The following CEP128 variants were observed in gnomAD, a reference collection of about 807,000 sequenced individuals.
CEP128 encodes centrosomal protein 128, also known as centrosomal protein 128kDa.
In CEP128, 132 loss-of-function variants were observed where a neutral mutation model predicts 156.7. That is an observed-to-expected ratio of 0.84 (90% confidence interval 0.73 to 0.97). The LOEUF is 0.97. Ranked by LOEUF, CEP128 falls within the 50% of genes least tolerant of loss-of-function variation. The pLI is 0.00. For missense variants in CEP128, 1,252 were observed against 1,281.9 expected, an observed-to-expected ratio of 0.98 and a Z score of 0.36; for synonymous variants, 469 against 448.9, an observed-to-expected ratio of 1.04 and a Z score of -0.57.
At chr14:80,726,398 A>G (rs184781766) in intron 19 of CEP128, among the ~76,000 whole-genome samples, 4 of 152,312 alleles carry the variant, frequency 2.6e-5, no homozygotes, top group Admixed American at 2.6e-4. Flanking sequence ...TGTAGAACCA[A>G]CTAGAGCTAC....
At chr14:80,723,398 C>T (rs1897898760) in intron 19 of CEP128, among the ~76,000 whole-genome samples, 1 of 152,174 alleles carries the variant, frequency 6.6e-6, no homozygotes, top group South Asian at 2.1e-4. Flanking sequence ...ATTCTAGAAT[C>T]GTATTCAGGC....
At chr14:80,486,607 G>A (rs957888818), downstream of CEP128, among the ~76,000 whole-genome samples, 2 of 152,118 alleles carry the variant, frequency 1.3e-5, no homozygotes, top group Non-Finnish European at 2.9e-5. Flanking sequence ...AAATGTTAAG[G>A]GCAGCCAGAG....
At chr14:80,531,957 G>A (rs1261856979) in intron 21 of CEP128, among the ~76,000 whole-genome samples, 2 of 152,018 alleles carry the variant, frequency 1.3e-5, no homozygotes, top group East Asian at 3.9e-4. Flanking sequence ...TGCTCCAGAA[G>A]GCATAACTAC....
chr14:80,693,345 T>C (rs900258547), intron 19 of CEP128, among the ~76,000 whole-genome samples: 1 of 152,170 alleles, frequency 6.6e-6, no homozygotes, highest in Non-Finnish European at 1.5e-5. Context: ...TACATGTTAT[T>C]TGTGCAGTAG....
intron 19 of CEP128, among the ~76,000 whole-genome samples, chr14:80,643,603 G>A (rs545734353): frequency 1.3e-5 from 2 of 152,120 alleles, no homozygotes; most frequent in Admixed American, 1.3e-4. Flanking sequence ...CCAGCTACTC[G>A]GGAGGCTCAG....
At chr14:80,761,162 C>T (rs1284286692) in intron 17 of CEP128, among the ~76,000 whole-genome samples, 1 of 151,452 alleles carries the variant, frequency 6.6e-6, no homozygotes, top group Admixed American at 6.6e-5. Context: ...AAATTCCAGG[C>T]CTCTTGACTC....
At chr14:80,897,753 A>C (rs535074236) in intron 7 of CEP128, among the ~76,000 whole-genome samples, 5 of 151,738 alleles carry the variant, frequency 3.3e-5, no homozygotes, top group South Asian at 2.1e-4. Context: ...TACTAGTGCA[A>C]CAGACTTCTA....
intron 13 of CEP128, chr14:80,830,267 C>T (rs571238049): frequency 9.6e-6 from 6 of 628,192 alleles, no homozygotes; most frequent in East Asian, 5.6e-5. Context: ...ATTTAAAAGA[C>T]ATTTTCTATT....
At chr14:80,544,010 T>C (rs990478810) in intron 21 of CEP128, among the ~76,000 whole-genome samples, 1 of 152,120 alleles carries the variant, frequency 6.6e-6, no homozygotes, top group Non-Finnish European at 1.5e-5. Context: ...CAAAAGCTTA[T>C]TAATAGAACT....
chr14:80,702,900 A>G (rs1257164799), intron 19 of CEP128, among the ~76,000 whole-genome samples: 1 of 152,206 alleles, frequency 6.6e-6, no homozygotes, highest in East Asian at 1.9e-4. Flanking sequence ...ACACTAAACA[A>G]AATACCTAAG....
At chr14:80,750,366 A>G (rs538936223) in intron 18 of CEP128, among the ~76,000 whole-genome samples, 3 of 151,818 alleles carry the variant, frequency 2.0e-5, no homozygotes, top group Admixed American at 6.6e-5. Context: ...CTCATCTCCA[A>G]CTGTTTTCCG....
rs145415448 is a variant in CEP128 at position 80,691,078 on chromosome 14, T to C, written c.2806+51997A>G. 5.7e-4 allele frequency among the ~76,000 whole-genome samples: 87 copies of C among 152,322 alleles called. 1 individual carries two copies. The East Asian group carries it at 0.015, about 27-fold the overall frequency. On this transcript the variant is annotated intron_variant, in intron 19 of 24. Coordinates refer to ENST00000555265, the MANE Select transcript of CEP128 (RefSeq NM_152446.5). The stretch of plus-strand genomic sequence containing the variant: ...TTTGTATAGTCAATTAGCACATGCA[T>C]TGTAACCTATAAATACTTGAAGTAG...
chr14:80,638,755 T>C (rs1039271578), intron 19 of CEP128, among the ~76,000 whole-genome samples: 3 of 152,206 alleles, frequency 2.0e-5, no homozygotes, highest in African/African-American at 4.8e-5. Context: ...TGCCTAAATC[T>C]TTCTATTGCC....
intron 18 of CEP128, among the ~76,000 whole-genome samples, chr14:80,745,229 G>C (rs1899037943): frequency 6.6e-6 from 1 of 152,100 alleles, no homozygotes; most frequent in Non-Finnish European, 1.5e-5. Context: ...TTGCAGCCAT[G>C]TGAAGACAAG....
chr14:80,751,601 C>T (rs549738339), intron 18 of CEP128, among the ~76,000 whole-genome samples: 1 of 151,634 alleles, frequency 6.6e-6, no homozygotes, highest in East Asian at 1.9e-4. Context: ...GCTAAATAAA[C>T]CAAAACAGAG....
At chr14:80,674,072 G>GT (rs140431428) in intron 19 of CEP128, among the ~76,000 whole-genome samples, 55,949 of 148,132 alleles carry the variant, frequency 0.38, 10,593 homozygotes, top group African/African-American at 0.47. Flanking sequence ...ATAATTCATA[G>GT]TTTTTTTTTT....
At chr14:80,564,958 C>T (rs1890849407) in intron 20 of CEP128, among the ~76,000 whole-genome samples, 2 of 152,070 alleles carry the variant, frequency 1.3e-5, no homozygotes, top group Non-Finnish European at 2.9e-5. Context: ...ACTAGGGAGG[C>T]TGAGGCAGGA....
At chr14:80,643,830 T>C (rs1894523332) in intron 19 of CEP128, among the ~76,000 whole-genome samples, 1 of 152,206 alleles carries the variant, frequency 6.6e-6, no homozygotes, top group Admixed American at 6.5e-5. Context: ...AAGGATCAGA[T>C]AGTTCAGCTC....
chr14:80,846,375 A>G (rs1167120074), intron 9 of CEP128, among the ~76,000 whole-genome samples: 1 of 152,184 alleles, frequency 6.6e-6, no homozygotes, highest in African/African-American at 2.4e-5. Context: ...TCCCTAAAAG[A>G]ATAAGTAATG....
Sources: allele counts gnomAD v4.1 joint callset (sites outside exome capture counted in the v4.1 genomes callset), GRCh38; gene constraint gnomAD v4.1.1; transcripts MANE v1.5; gene names NCBI Gene and HGNC (gene_info 2026-07-23, HGNC 2026-07-21).